Variants in MAPKAPK5 observed in about 807,000 individuals in gnomAD.
The protein encoded by MAPKAPK5 is MAPK activated protein kinase 5.
MAPKAPK5 carries 30 observed loss-of-function variants against 65.1 expected under a neutral mutation model. The observed-to-expected ratio is 0.46, with a 90% confidence interval of 0.34 to 0.63. MAPKAPK5 has a LOEUF of 0.63. MAPKAPK5 is among the 20% of genes least tolerant of loss of function. MAPKAPK5 has a pLI of 0.01. For missense variants in MAPKAPK5, 433 were observed against 581.4 expected, an observed-to-expected ratio of 0.74 and a Z score of 2.63; for synonymous variants, 179 against 204.6, an observed-to-expected ratio of 0.87 and a Z score of 1.07.
chr12:111,845,050 G>T (rs1433022731), intron 1 of MAPKAPK5, among the ~76,000 whole-genome samples: 2 of 152,186 alleles, frequency 1.3e-5, no homozygotes, highest in Admixed American at 1.3e-4. Context: ...AGTTCCAGGA[G>T]ATAAGTATAC....
intron 8 of MAPKAPK5, among the ~76,000 whole-genome samples, chr12:111,881,186 G>T (rs918395750): frequency 6.6e-6 from 1 of 151,810 alleles, no homozygotes; most frequent in African/African-American, 2.4e-5. Flanking sequence ...CGATTCTCCT[G>T]CCTCAGTCTC....
In MAPKAPK5 at chr12:111,901,326, GC is replaced by G. The variant is rs770893337; in HGVS notation, c.*8272del. 1.3e-4 allele frequency: 59 copies of G among 455,872 alleles called. No individual in the cohort carries two copies. The highest frequency in any genetic ancestry group is 2.2e-4 in the Non-Finnish European group (50 of 226,784). 28.2% of individuals were successfully genotyped at this position (455,872 alleles called of 1,614,324 possible). A position where few individuals can be genotyped will look rare whatever the true frequency, so the allele number is the denominator to read the frequency against. On this transcript the variant is annotated 3_prime_UTR_variant, in exon 14 of 14. Transcript: ENST00000550735. Reference sequence around the variant, plus strand: ...GCACTGCCACTGTAATGAAGGGCATGCCCCCCCTGACTGTGTTACTGCAGGA... The same window carrying G: ...GCACTGCCACTGTAATGAAGGGCATGCCCCCCTGACTGTGTTACTGCAGGA...
intron 6 of MAPKAPK5, among the ~76,000 whole-genome samples, 183 bp from the exon 7 acceptor site, chr12:111,870,902 C>G (rs1033281128): frequency 1.3e-5 from 2 of 152,162 alleles, no homozygotes; most frequent in South Asian, 4.1e-4. Flanking sequence ...TTCTGCATTA[C>G]TAAGGACAGT....
Position 111,899,997 on chromosome 12 carries a change from C to G in MAPKAPK5, c.*6936C>G. On this transcript the variant is annotated 3_prime_UTR_variant, in exon 14 of 14. Coordinates refer to ENST00000550735, the MANE Select transcript of MAPKAPK5 (RefSeq NM_003668.4). Reference sequence around the variant, plus strand: ...TGTCGTGGTCAACAACCAGCGGTTCCAGATGTGGGGCAGTAACGTCAATGA... The same window carrying G: ...TGTCGTGGTCAACAACCAGCGGTTCGAGATGTGGGGCAGTAACGTCAATGA... 1 of 456,070 alleles carries G rather than the reference C, an allele frequency of 2.2e-6. No homozygotes were observed. Among genetic ancestry groups the G allele is most frequent in the Non-Finnish European group, 4.4e-6 (1 of 226,810 alleles). 28.3% of individuals were successfully genotyped at this position (456,070 alleles called of 1,614,324 possible).
rs372239825 is a variant in MAPKAPK5 at position 111,865,228 on chromosome 12, C to T, written c.37-22C>T. 9.5e-6 allele frequency: 14 copies of T among 1,470,476 alleles called. No homozygotes were observed. The African/African-American group carries it at 1.3e-4, about 13-fold the overall frequency. 91.1% of individuals were successfully genotyped at this position (1,470,476 alleles called of 1,614,324 possible). A position where few individuals can be genotyped will look rare whatever the true frequency, so the allele number is the denominator to read the frequency against. On this transcript the variant is annotated intron_variant, in intron 1 of 13. Transcript: ENST00000550735. ...TAACTGAGGAATCATTCTCTGTCCT[C>T]TCCCTTTTTTTATATTAATAGGAAA...
intron 3 of MAPKAPK5, among the ~76,000 whole-genome samples, chr12:111,867,130 G>GCC (rs2069641105): frequency 6.6e-6 from 1 of 151,566 alleles, no homozygotes; most frequent in South Asian, 2.1e-4. Flanking sequence ...ATGGGGTTTT[G>GCC]CATGTTGCCC....
intron 1 of MAPKAPK5, among the ~76,000 whole-genome samples, chr12:111,848,060 G>A (rs1457206158): frequency 6.6e-6 from 1 of 152,174 alleles, no homozygotes; most frequent in East Asian, 1.9e-4. Context: ...TACAAGTTTT[G>A]TGTGAATATA....
intron 13 of MAPKAPK5, among the ~76,000 whole-genome samples, chr12:111,890,657 G>C (rs979707670): frequency 6.6e-6 from 1 of 152,080 alleles, no homozygotes; most frequent in Non-Finnish European, 1.5e-5. Context: ...TGAATTTCTT[G>C]AACTGCCTTG....
chr12:111,850,244 G>A (rs533363151), intron 1 of MAPKAPK5, among the ~76,000 whole-genome samples: 1 of 152,230 alleles, frequency 6.6e-6, no homozygotes, highest in South Asian at 2.1e-4. Context: ...GGCCAGGCTG[G>A]TCTCGAACTC....
chr12:111,857,649 A>G (rs187041198), intron 1 of MAPKAPK5, among the ~76,000 whole-genome samples: 98 of 152,226 alleles, frequency 6.4e-4, no homozygotes, highest in Admixed American at 6.0e-3. Flanking sequence ...GAATTCTTTC[A>G]GTGTTTATTT....
At chr12:111,849,330 A>T (rs900386182) in intron 1 of MAPKAPK5, among the ~76,000 whole-genome samples, 5 of 148,470 alleles carry the variant, frequency 3.4e-5, no homozygotes, top group African/African-American at 1.2e-4. Flanking sequence ...ATCTTGGCTC[A>T]CTGCAACCTC....
chr12:111,843,271 A>G, intron 1 of MAPKAPK5: 1 of 398,602 alleles, frequency 2.5e-6, no homozygotes, highest in Non-Finnish European at 4.4e-6. Context: ...TTTTCCGTGT[A>G]TTCTCCCCTT....
intron 1 of MAPKAPK5, 48 bp from the exon 2 acceptor site, chr12:111,865,202 T>C (rs1331857799): frequency 8.3e-7 from 1 of 1,199,922 alleles, no homozygotes; most frequent in East Asian, 2.5e-5. Context: ...ATTCAGTTTG[T>C]TAACTGAGGA....
intron 1 of MAPKAPK5, 47 bp downstream of exon 1, chr12:111,842,816 C>T (rs768144349): frequency 4.1e-5 from 53 of 1,287,400 alleles, no homozygotes; most frequent in Middle Eastern, 2.0e-4. Flanking sequence ...CTGTGGCGTT[C>T]TTCTCGGCTC....
At chr12:111,868,706 TTC>T in intron 4 of MAPKAPK5, 45 bp from the exon 5 acceptor site, 1 of 1,425,476 alleles carries the variant, frequency 7.0e-7, no homozygotes, top group Admixed American at 2.4e-5. Context: ...TTGTTTCTTT[TTC>T]TTTTTTTTTT....
intron 12 of MAPKAPK5, 144 bp downstream of exon 12, chr12:111,889,144 T>C: frequency 2.3e-6 from 2 of 883,276 alleles, no homozygotes; most frequent in East Asian, 5.4e-5. Context: ...AAAAGTACAT[T>C]ATATAAGGTA....
At chr12:111,845,793 C>T (rs1005356516) in intron 1 of MAPKAPK5, among the ~76,000 whole-genome samples, 4 of 151,988 alleles carry the variant, frequency 2.6e-5, no homozygotes, top group Non-Finnish European at 5.9e-5. Context: ...TGTGGTGGCA[C>T]ACATCTGTAA....
At chr12:111,864,984 A>G (rs1482491111) in intron 1 of MAPKAPK5, among the ~76,000 whole-genome samples, 2 of 152,246 alleles carry the variant, frequency 1.3e-5, no homozygotes, top group African/African-American at 4.8e-5. Context: ...TTGATTGTCT[A>G]TGGAAATGTA....
At chr12:111,866,791 A>G (rs553239049) in intron 3 of MAPKAPK5, among the ~76,000 whole-genome samples, 1 of 152,192 alleles carries the variant, frequency 6.6e-6, no homozygotes, top group Non-Finnish European at 1.5e-5. Flanking sequence ...TAGTAGAGAC[A>G]GGGTTTCTCC....
Sources: gnomAD v4.1 joint callset for allele counts (sites outside exome capture counted in the v4.1 genomes callset) on GRCh38, gnomAD v4.1.1 for gene constraint, MANE v1.5 for transcripts, NCBI Gene and HGNC (gene_info 2026-07-23, HGNC 2026-07-21) for gene names.